SCIN: variants seen among roughly 807,000 people sequenced by gnomAD.
The protein encoded by SCIN is adseverin.
SCIN carries 91 observed loss-of-function variants against 91.8 expected under a neutral mutation model. The observed-to-expected ratio is 0.99, with a 90% confidence interval of 0.84 to 1.18. SCIN has a LOEUF of 1.18. Ranked by LOEUF, SCIN falls within the 50% of genes most tolerant of loss-of-function variation. SCIN has a pLI of 0.00. For missense variants in SCIN, 1,087 were observed against 863.9 expected (o/e 1.26, Z -3.24); for synonymous variants, 367 against 312.6 (o/e 1.17, Z -1.84).
At chr7:12,613,863 A>C (rs1274302237) in intron 4 of SCIN, among the ~76,000 whole-genome samples, 1 of 152,190 alleles carries the variant, frequency 6.6e-6, no homozygotes, top group Non-Finnish European at 1.5e-5. Flanking sequence ...TCAGTGTTAG[A>C]TATCCCATAA....
rs894474450 is a variant in SCIN, at chr7:12,625,135, A to G, written c.885A>G (p.Val295=). Residue 295 remains valine, a synonymous_variant, in exon 6 of 16, where the codon GTA becomes GTG. Coordinates refer to ENST00000297029, the MANE Select transcript of SCIN (RefSeq NM_001112706.3). ...LDHGAAKQIF[V]WKGKDANPQE... ...ACGGGGCTGCCAAACAAATTTTCGT[A>G]TGGAAAGGTAAAAAATTCCATTGAC... 1.9e-5 allele frequency: 30 copies of G among 1,608,704 alleles called. No homozygotes were observed. Among genetic ancestry groups the G allele is most frequent in the South Asian group, 8.9e-5 (8 of 89,536 alleles).
In SCIN at chr7:12,582,749, G is replaced by A. The variant is rs141624833; in HGVS notation, c.516+1528G>A. 2.8e-3 allele frequency among the ~76,000 whole-genome samples: 431 copies of A among 151,526 alleles called. 5 individuals are homozygous for A. Among genetic ancestry groups the A allele is most frequent in the African/African-American group, 1.0e-2 (413 of 41,310 alleles). Reference sequence around the variant, plus strand: ...TTCCACCCTTCCATTCTCCCCTACCGCCACCACCCCCTACACTATAAATAA... The same window carrying A: ...TTCCACCCTTCCATTCTCCCCTACCACCACCACCCCCTACACTATAAATAA... On this transcript the variant is annotated intron_variant, in intron 3 of 15. Coordinates refer to ENST00000297029, the MANE Select transcript of SCIN (RefSeq NM_001112706.3).
intron 5 of SCIN, among the ~76,000 whole-genome samples, chr7:12,623,377 G>A (rs1369849305): frequency 2.6e-5 from 4 of 152,096 alleles, no homozygotes; most frequent in Admixed American, 1.3e-4. Flanking sequence ...TCTGTTCCAG[G>A]CATTAACCTA....
At chr7:12,593,659 C>G (rs1279921420) in intron 3 of SCIN, among the ~76,000 whole-genome samples, 1 of 152,058 alleles carries the variant, frequency 6.6e-6, no homozygotes, top group Non-Finnish European at 1.5e-5. Context: ...TGGGAAATGT[C>G]TTTAAGTTTT....
intron 10 of SCIN, among the ~76,000 whole-genome samples, chr7:12,638,004 G>C (rs1313100380): frequency 1.3e-5 from 2 of 152,154 alleles, no homozygotes; most frequent in East Asian, 3.9e-4. Context: ...GCTGTTTCTA[G>C]CCTGGTTCAA....
At chr7:12,576,681 A>G (rs1782378850) in intron 1 of SCIN, among the ~76,000 whole-genome samples, 1 of 152,210 alleles carries the variant, frequency 6.6e-6, no homozygotes, top group South Asian at 2.1e-4. Flanking sequence ...CCTGTGCTTC[A>G]GAGTCACACA....
chr7:12,606,191 G>A (rs1783077420), intron 4 of SCIN, among the ~76,000 whole-genome samples: 1 of 152,142 alleles, frequency 6.6e-6, no homozygotes, highest in Non-Finnish European at 1.5e-5. Flanking sequence ...GTTCCATCGT[G>A]ACTTTACAGA....
At chr7:12,613,478 C>A (rs531040541) in intron 4 of SCIN, among the ~76,000 whole-genome samples, 2 of 152,256 alleles carry the variant, frequency 1.3e-5, no homozygotes, top group African/African-American at 4.8e-5. Context: ...CCATTCATAT[C>A]TCCTTAGTAT....
intron 3 of SCIN, among the ~76,000 whole-genome samples, chr7:12,598,549 T>A (rs2115243289): frequency 1.3e-5 from 2 of 152,140 alleles, no homozygotes; most frequent in Admixed American, 1.3e-4. Flanking sequence ...AAAGCAAGTT[T>A]TAATGTACTG....
Position 12,652,767 on chromosome 7 carries a change from T to C in SCIN, c.*52T>C. 6.4e-7 allele frequency: 1 copy of C among 1,568,060 alleles called. No homozygotes were observed. The highest frequency in any genetic ancestry group is 1.2e-5 in the South Asian group (1 of 84,290). On this transcript the variant is annotated 3_prime_UTR_variant, in exon 16 of 16. Coordinates refer to ENST00000297029, the MANE Select transcript of SCIN (RefSeq NM_001112706.3). ...CATTACAAGGCAGTTATCTCATTGCTGTTTTGGGAGAGGAACGGGAAAAGC... is the reference window on the plus strand; with the variant it reads ...CATTACAAGGCAGTTATCTCATTGCCGTTTTGGGAGAGGAACGGGAAAAGC...
chr7:12,618,751 A>G (rs1404021619), intron 4 of SCIN, among the ~76,000 whole-genome samples: 2 of 152,154 alleles, frequency 1.3e-5, no homozygotes, highest in South Asian at 2.1e-4. Context: ...TATGCTCCCT[A>G]TGTTACACTC....
At chr7:12,574,028 A>G (rs1053670228) in intron 1 of SCIN, among the ~76,000 whole-genome samples, 37 of 152,220 alleles carry the variant, frequency 2.4e-4, no homozygotes. Flanking sequence ...CATATGAGTC[A>G]GCAATTGCAT....
chr7:12,625,431 CTTTTTTTT>C (rs10656602), intron 6 of SCIN, among the ~76,000 whole-genome samples: 1 of 97,556 alleles, frequency 1.0e-5, no homozygotes, highest in Non-Finnish European at 1.9e-5. Flanking sequence ...TTTTGCTATT[CTTTTTTTT>C]TTTTTTTTTT....
Position 12,622,894 on chromosome 7 carries a change from G to A in SCIN, c.759+1G>A, listed in dbSNP as rs1424852117. The A allele has an allele frequency of 6.2e-7, 1 of 1,605,622 alleles. No homozygotes were observed. The highest frequency in any genetic ancestry group is 1.7e-5 in the Admixed American group (1 of 59,722). ...CAGGAAAATGGCTAAACTATACATGGTGAGTTCACTGTAACCAAATTTATT... is the reference window on the plus strand; with the variant it reads ...CAGGAAAATGGCTAAACTATACATGATGAGTTCACTGTAACCAAATTTATT... On this transcript the variant is annotated splice_donor_variant, in intron 5 of 15. Coordinates refer to ENST00000297029, the MANE Select transcript of SCIN (RefSeq NM_001112706.3). LOFTEE classifies it high-confidence loss of function.
At chr7:12,571,313 C>G in intron 1 of SCIN, 1 of 386,168 alleles carries the variant, frequency 2.6e-6, no homozygotes, top group Non-Finnish European at 4.8e-6. Flanking sequence ...TGTCCAGGGC[C>G]GCTGCCTCAG....
chr7:12,574,397 C>T (rs985950748), intron 1 of SCIN, among the ~76,000 whole-genome samples: 1 of 151,958 alleles, frequency 6.6e-6, no homozygotes, highest in African/African-American at 2.4e-5. Flanking sequence ...ATGATGTGGG[C>T]AGGAGAAGAG....
chr7:12,576,364 TTTTG>T (rs899808287), intron 1 of SCIN, among the ~76,000 whole-genome samples: 28 of 117,572 alleles, frequency 2.4e-4, no homozygotes, highest in Admixed American at 2.2e-3. Context: ...AGTTGTTTTT[TTTTG>T]TTGTTGTTGT....
In SCIN at chr7:12,631,192, T is replaced by A. The variant is rs888417168; in HGVS notation, c.1319+1970T>A. ...AATTTGAGTTTTAAATAGTAGCTAT[T>A]TCTTGTATCATTTGAAAGTGTTTAT... On this transcript the variant is annotated intron_variant, in intron 9 of 15. Coordinates refer to ENST00000297029, the MANE Select transcript of SCIN (RefSeq NM_001112706.3). Among the ~76,000 whole-genome samples, 9 of 152,372 alleles carry A rather than the reference T, an allele frequency of 5.9e-5. No individual in the cohort carries two copies. In the East Asian group the frequency reaches 1.7e-3, roughly 29 times the overall value.
chr7:12,632,683 C>T (rs1258921278), intron 9 of SCIN, among the ~76,000 whole-genome samples: 1 of 152,070 alleles, frequency 6.6e-6, no homozygotes, highest in Non-Finnish European at 1.5e-5. Context: ...GGTTTCTGGT[C>T]TGAGCATAAA....
Sources: gnomAD v4.1 joint callset for allele counts (sites outside exome capture counted in the v4.1 genomes callset) on GRCh38, gnomAD v4.1.1 for gene constraint, MANE v1.5 for transcripts, NCBI Gene and HGNC (gene_info 2026-07-23, HGNC 2026-07-21) for gene names.